The following SLC14A2 variants were observed in gnomAD, a reference collection of about 807,000 sequenced individuals.
SLC14A2 encodes the protein solute carrier family 14 member 2.
Under a neutral mutation model 104.6 loss-of-function variants are expected in SLC14A2, and 91 were observed. The observed-to-expected ratio is 0.87, with a 90% CI of 0.73 to 1.04. The LOEUF (loss-of-function observed/expected upper bound fraction) is 1.04. Among genes scored for constraint, SLC14A2 ranks in the 50% least tolerant of loss-of-function variants. The pLI is 0.00. For synonymous variants in SLC14A2, 476 were observed against 466.4 expected (o/e 1.02, Z -0.27); for missense variants, 1,189 against 1,156.0 (o/e 1.03, Z -0.41).
rs957130800 is a variant in SLC14A2 at position 45,669,351 on chromosome 18, C to A, written c.2082C>A (p.Asp694Glu). Residue 694 changes from aspartate (D) to glutamate (E), a missense_variant, in exon 16 of 20, where the codon GAC becomes GAA. Physicochemically the swap from Asp to Glu is conservative, Grantham distance 45. Transcript: ENST00000255226. Reference protein sequence around the residue: ...SALGTIFSKWDLPVFTLPFNI... With the variant: ...SALGTIFSKWELPVFTLPFNI... ...TGGGTACCATCTTCAGCAAGTGGGA[C>A]CTCCCAGTCTTCACACTGCCCTTCA... The A allele has an allele frequency of 6.2e-7, 1 of 1,614,026 alleles. No individual in the cohort carries two copies. Among genetic ancestry groups the A allele is most frequent in the Non-Finnish European group, 8.5e-7 (1 of 1,179,894 alleles).
At chr18:45,410,081 C>T (rs1235370358) in intron 1 of SLC14A2, among the ~76,000 whole-genome samples, 1 of 152,124 alleles carries the variant, frequency 6.6e-6, no homozygotes, top group Non-Finnish European at 1.5e-5. Flanking sequence ...AACCTGGAGC[C>T]CTCCCATGCA....
At chr18:45,397,320 A>G (rs2086045532) in intron 1 of SLC14A2, among the ~76,000 whole-genome samples, 1 of 152,104 alleles carries the variant, frequency 6.6e-6, no homozygotes, top group South Asian at 2.1e-4. Context: ...CTTTGACCAC[A>G]TCTGTGATTT....
intron 1 of SLC14A2, among the ~76,000 whole-genome samples, chr18:45,276,320 C>A (rs8083922): frequency 6.6e-6 from 1 of 152,166 alleles, no homozygotes; most frequent in African/African-American, 2.4e-5. Flanking sequence ...ATTTTCAGTG[C>A]AGGTGCCTGG....
At chr18:45,334,940 C>T (rs2085324649) in intron 1 of SLC14A2, among the ~76,000 whole-genome samples, 1 of 152,214 alleles carries the variant, frequency 6.6e-6, no homozygotes, top group South Asian at 2.1e-4. Context: ...TGTTCACCTC[C>T]TGACTTGGTA....
intron 1 of SLC14A2, among the ~76,000 whole-genome samples, chr18:45,225,440 T>C (rs74538583): frequency 0.2 from 30,034 of 152,098 alleles, 3,432 homozygotes; most frequent in African/African-American, 0.32. Flanking sequence ...CCTCCAGCTT[T>C]GTTCTTTTGG....
intron 1 of SLC14A2, among the ~76,000 whole-genome samples, chr18:45,328,925 G>A (rs949639584): frequency 2.0e-5 from 3 of 152,218 alleles, no homozygotes; most frequent in Non-Finnish European, 2.9e-5. Context: ...TTTCTCCAGT[G>A]AAGCTCACAT....
intron 1 of SLC14A2, among the ~76,000 whole-genome samples, chr18:45,360,390 G>A (rs1188098656): frequency 6.6e-6 from 1 of 152,184 alleles, no homozygotes; most frequent in Admixed American, 6.5e-5. Flanking sequence ...AGTAAAGTCT[G>A]GGCACTGAAT....
rs1040845657 is a variant in SLC14A2 at position 45,619,285 on chromosome 18, A to G, written c.-35+3703A>G. ...AGGGCAGCCGCTCTGTGCTCTCTGC[A>G]CCGCCCTCTTGCCCTCTGCCCTTGT... On this transcript the variant is annotated intron_variant, in intron 1 of 19. Coordinates refer to ENST00000255226, the MANE Select transcript of SLC14A2 (RefSeq NM_007163.4). Among the ~76,000 whole-genome samples the G allele has an allele frequency of 4.6e-5, 7 of 152,322 alleles. 1 individual carries two copies. The highest frequency in any genetic ancestry group is 1.3e-4 in the Admixed American group (2 of 15,306).
Position 45,446,955 on chromosome 18 carries a change from C to T in SLC14A2, c.-124-36278C>T, listed in dbSNP as rs370556168. ...TCCCCACCCTGCTTCTCATCCCCAC[C>T]TCCACTTTGTCCTAAAAGAAGCAGA... On this transcript the variant is annotated intron_variant, in intron 1 of 20. Transcript: ENST00000586448. Among the ~76,000 whole-genome samples the T allele has an allele frequency of 3.3e-5, 5 of 152,304 alleles. No individual in the cohort carries two copies. In the South Asian group the frequency reaches 1.0e-3, roughly 32 times the overall value.
chr18:45,466,366 A>G (rs1347120305), intron 1 of SLC14A2, among the ~76,000 whole-genome samples: 1 of 151,636 alleles, frequency 6.6e-6, no homozygotes, highest in Admixed American at 6.6e-5. Flanking sequence ...TCTGCCAGAG[A>G]AGGGAGGGCA....
chr18:45,599,805 C>T (rs1040168865), intron 2 of SLC14A2, among the ~76,000 whole-genome samples: 12 of 152,194 alleles, frequency 7.9e-5, no homozygotes, highest in African/African-American at 2.9e-4. Flanking sequence ...ACAATCATGG[C>T]AGAAGACGAG....
At chr18:45,396,761 A>G (rs1462127532) in intron 1 of SLC14A2, among the ~76,000 whole-genome samples, 1 of 150,422 alleles carries the variant, frequency 6.6e-6, no homozygotes, top group Non-Finnish European at 1.5e-5. Flanking sequence ...AGATTATTCC[A>G]TCACCCAGGT....
chr18:45,637,177 C>A lies in SLC14A2; in HGVS notation c.838C>A (p.Pro280Thr). 2 of 1,613,398 alleles carry A rather than the reference C, an allele frequency of 1.2e-6. No individual in the cohort carries two copies. The highest frequency in any genetic ancestry group is 1.7e-6 in the Non-Finnish European group (2 of 1,179,504). Residue 280 changes from proline to threonine, a missense_variant, in exon 6 of 20, where the codon CCC becomes ACC. By Grantham distance (38) the Pro-to-Thr change is conservative. Coordinates refer to ENST00000255226, the MANE Select transcript of SLC14A2 (RefSeq NM_007163.4). ...TATCACCTGGACAGAGATGGAAATG[C>A]CCCTGGTAAGTTACCCAGCGGTGAT... ...PNITWTEMEM[P>T]LLLQAIPVGV...
chr18:45,334,915 C>T (rs949486750), intron 1 of SLC14A2, among the ~76,000 whole-genome samples: 2 of 152,220 alleles, frequency 1.3e-5, no homozygotes, highest in African/African-American at 2.4e-5. Context: ...CTTCCACCTC[C>T]CTCTTCTCGC....
Position 45,272,294 on chromosome 18 carries a change from T to A in SLC14A2, c.-125+59103T>A, listed in dbSNP as rs114513695. Among the ~76,000 whole-genome samples the A allele has an allele frequency of 4.3e-3, 658 of 152,236 alleles. 6 individuals carry two copies. Among genetic ancestry groups the A allele is most frequent in the African/African-American group, 0.015 (639 of 41,564 alleles). ...CATATTGAAGAGATGTCTGTACTCC[T>A]GTTTGTTGCAGCACTGTTTACAATA... On this transcript the variant is annotated intron_variant, in intron 1 of 20. Coordinates refer to the SLC14A2 transcript ENST00000586448.
At chr18:45,540,614 G>A (rs780604822) in intron 2 of SLC14A2, among the ~76,000 whole-genome samples, 1 of 152,066 alleles carries the variant, frequency 6.6e-6, no homozygotes, top group Admixed American at 6.5e-5. Context: ...GTGTGGTGGA[G>A]GGCGCCTATA....
At chr18:45,497,328 G>T (rs11877693) in intron 2 of SLC14A2, among the ~76,000 whole-genome samples, 1 of 152,088 alleles carries the variant, frequency 6.6e-6, no homozygotes, top group Non-Finnish European at 1.5e-5. Flanking sequence ...CCAGGCATCA[G>T]GCACTGTGTT....
intron 2 of SLC14A2, among the ~76,000 whole-genome samples, chr18:45,590,557 G>A (rs2044633466): frequency 6.6e-6 from 1 of 152,190 alleles, no homozygotes; most frequent in South Asian, 2.1e-4. Flanking sequence ...TGTGTACAGA[G>A]TTTGTCTTGC....
intron 8 of SLC14A2, among the ~76,000 whole-genome samples, chr18:45,642,841 C>T (rs1179661103): frequency 1.3e-5 from 2 of 152,232 alleles, no homozygotes; most frequent in African/African-American, 4.8e-5. Context: ...TGTGTATTGA[C>T]CCCTGACTCC....
Sources: allele counts gnomAD v4.1 joint callset (sites outside exome capture counted in the v4.1 genomes callset), GRCh38; gene constraint gnomAD v4.1.1; transcripts MANE v1.5; gene names NCBI Gene and HGNC (gene_info 2026-07-23, HGNC 2026-07-21).